Variants in RUNDC3B observed in about 807,000 individuals in gnomAD.
The protein encoded by RUNDC3B is RUN domain-containing protein 3B.
A neutral mutation model predicts 58.4 loss-of-function variants in RUNDC3B; 33 were observed. The observed-to-expected ratio is 0.56, with a 90% confidence interval of 0.43 to 0.75. RUNDC3B has a LOEUF of 0.75. RUNDC3B is among the 30% of genes least tolerant of loss of function. The probability of loss-of-function intolerance (pLI) is 0.00; values close to 1 mark genes in which losing one functional copy is unlikely to be tolerated. For missense variants in RUNDC3B, 501 were observed against 535.7 expected, an observed-to-expected ratio of 0.94 and a Z score of 0.64; for synonymous variants, 193 against 195.2, an observed-to-expected ratio of 0.99 and a Z score of 0.10.
intron 10 of RUNDC3B, among the ~76,000 whole-genome samples, chr7:87,822,436 G>T (rs1837521981): frequency 2.6e-5 from 4 of 152,124 alleles, no homozygotes; most frequent in Admixed American, 2.6e-4. Context: ...TTACACTGTT[G>T]GTGGAACTGT....
chr7:87,824,906 TAAGCA>T (rs1327841276), intron 10 of RUNDC3B, among the ~76,000 whole-genome samples: 1 of 152,182 alleles, frequency 6.6e-6, no homozygotes, highest in Non-Finnish European at 1.5e-5. Flanking sequence ...AAGAAATTTC[TAAGCA>T]ACAAAGCATT....
chr7:87,702,954 C>A (rs1829226566), intron 3 of RUNDC3B, among the ~76,000 whole-genome samples: 1 of 152,124 alleles, frequency 6.6e-6, no homozygotes, highest in South Asian at 2.1e-4. Context: ...TCACTCAACT[C>A]AGGTATCAAA....
Position 87,807,419 on chromosome 7 carries a change from G to T in RUNDC3B, c.1003G>T (p.Ala335Ser). 6.2e-7 allele frequency: 1 copy of T among 1,613,686 alleles called. No homozygotes were observed. Among genetic ancestry groups the T allele is most frequent in the East Asian group, 2.2e-5 (1 of 44,862 alleles). ...TTTAAGATCGAGACAAGAGTTAACT[G>T]CCCATCTCACCAACCAGTGGCCTTC... ...NDLRSRQELT[A>S]HLTNQWPSPG... Residue 335 changes from alanine to serine, a missense_variant, in exon 9 of 11, where the codon GCC becomes TCC. By Grantham distance (99) the Ala-to-Ser change is moderately conservative. Coordinates refer to ENST00000394654, the MANE Select transcript of RUNDC3B (RefSeq NM_001134405.2).
At chr7:87,814,942 A>T (rs1836951944) in intron 9 of RUNDC3B, among the ~76,000 whole-genome samples, 1 of 152,146 alleles carries the variant, frequency 6.6e-6, no homozygotes, top group Non-Finnish European at 1.5e-5. Flanking sequence ...TCGTTATGAA[A>T]TCCTATAAAA....
At position 87,816,405 on chromosome 7, in the gene RUNDC3B, G is replaced by T. The variant is rs561563955; in HGVS notation, c.1225+143G>T. On this transcript the variant is annotated intron_variant, in intron 10 of 10. Coordinates refer to ENST00000394654, the MANE Select transcript of RUNDC3B (RefSeq NM_001134405.2). ...CAGCCATTATGATTAAAAATGGTCT[G>T]CCTTTGTGTCTTTCTCGTGTGTGTG... is the stretch of plus-strand genomic sequence containing the variant. 6 of 612,060 alleles carry T rather than the reference G, an allele frequency of 9.8e-6. No individual in the cohort carries two copies. In the South Asian group the frequency reaches 1.6e-4, roughly 17 times the overall value. 37.9% of individuals were successfully genotyped at this position (612,060 alleles called of 1,614,324 possible).
chr7:87,693,034 G>A (rs189366754), intron 2 of RUNDC3B, among the ~76,000 whole-genome samples: 115 of 152,248 alleles, frequency 7.6e-4, no homozygotes, highest in African/African-American at 2.7e-3. Flanking sequence ...TTTTATAAAG[G>A]ATCTAAGTGT....
intron 7 of RUNDC3B, among the ~76,000 whole-genome samples, chr7:87,775,124 C>CTAA (rs1834549834): frequency 6.6e-6 from 1 of 151,938 alleles, no homozygotes; most frequent in Non-Finnish European, 1.5e-5. Flanking sequence ...GGAGGTAGTC[C>CTAA]AGCAGTGGGC....
At chr7:87,708,389 A>T (rs1170375262) in intron 3 of RUNDC3B, among the ~76,000 whole-genome samples, 1 of 152,144 alleles carries the variant, frequency 6.6e-6, no homozygotes, top group Non-Finnish European at 1.5e-5. Context: ...TAAATTTGAA[A>T]ATTTAGAAGA....
At chr7:87,684,844 G>C (rs528896343) in intron 2 of RUNDC3B, among the ~76,000 whole-genome samples, 2 of 146,130 alleles carry the variant, frequency 1.4e-5, no homozygotes, top group East Asian at 4.1e-4. Flanking sequence ...CTAATGCAAA[G>C]ACAATTTCAT....
chr7:87,812,201 CT>C, intron 9 of RUNDC3B, among the ~76,000 whole-genome samples: 1 of 152,244 alleles, frequency 6.6e-6, no homozygotes, highest in East Asian at 1.9e-4. Flanking sequence ...GATATCCAAT[CT>C]CATGTATAGA....
At chr7:87,699,993 G>A (rs776076440) in intron 2 of RUNDC3B, among the ~76,000 whole-genome samples, 6 of 152,062 alleles carry the variant, frequency 3.9e-5, no homozygotes, top group Non-Finnish European at 8.8e-5. Flanking sequence ...AAGAATTATG[G>A]TGGTGGGGTT....
At chr7:87,823,480 T>A (rs1467726179) in intron 10 of RUNDC3B, among the ~76,000 whole-genome samples, 1 of 152,030 alleles carries the variant, frequency 6.6e-6, no homozygotes, top group Non-Finnish European at 1.5e-5. Flanking sequence ...ATGAGTAAGT[T>A]CTTTAGTGGT....
intron 2 of RUNDC3B, among the ~76,000 whole-genome samples, chr7:87,675,959 G>A (rs1394007011): frequency 1.3e-5 from 2 of 152,180 alleles, no homozygotes; most frequent in South Asian, 2.1e-4. Context: ...GCTCATACCT[G>A]TAATCCCAGT....
intron 7 of RUNDC3B, 95 bp from the exon 8 acceptor site, chr7:87,777,703 T>C: frequency 3.3e-6 from 3 of 922,380 alleles, no homozygotes; most frequent in Non-Finnish European, 3.3e-6. Flanking sequence ...CATTACAATA[T>C]AAATAGGAAT....
chr7:87,646,430 C>T (rs1168389930), intron 1 of RUNDC3B, among the ~76,000 whole-genome samples: 2 of 152,028 alleles, frequency 1.3e-5, no homozygotes, highest in East Asian at 3.8e-4. Flanking sequence ...ATGAATTAAG[C>T]ACTTTGTTAA....
chr7:87,786,479 G>C (rs138298405), intron 8 of RUNDC3B, among the ~76,000 whole-genome samples: 1 of 151,670 alleles, frequency 6.6e-6, no homozygotes, highest in Non-Finnish European at 1.5e-5. Context: ...GTAGGGAAGA[G>C]ATTAACACCT....
At chr7:87,757,390 C>G (rs1425342202) in intron 6 of RUNDC3B, among the ~76,000 whole-genome samples, 1 of 152,002 alleles carries the variant, frequency 6.6e-6, no homozygotes, top group Admixed American at 6.6e-5. Flanking sequence ...TATATGCCAA[C>G]AGTGAACAAT....
chr7:87,747,553 A>C (rs1371496617), intron 6 of RUNDC3B, among the ~76,000 whole-genome samples: 1 of 152,058 alleles, frequency 6.6e-6, no homozygotes, highest in Admixed American at 6.5e-5. Context: ...TCCCAAGATT[A>C]TATGCCCTTT....
At position 87,788,663 on chromosome 7, in the gene RUNDC3B, A is replaced by G. The variant is rs182077562; in HGVS notation, c.956+10708A>G. Among the ~76,000 whole-genome samples the G allele has an allele frequency of 5.3e-5, 8 of 151,738 alleles. No individual in the cohort carries two copies. In the East Asian group the frequency reaches 1.4e-3, roughly 26 times the overall value. On this transcript the variant is annotated intron_variant, in intron 8 of 10. Transcript: ENST00000394654. The stretch of plus-strand genomic sequence containing the variant: ...TGGATCAGTATATGGAAAGTTTGTT[A>G]AAAGATTAAAAAATGTATTTGTTTA...
Sources: gnomAD v4.1 joint callset for allele counts (sites outside exome capture counted in the v4.1 genomes callset) on GRCh38, gnomAD v4.1.1 for gene constraint, MANE v1.5 for transcripts, NCBI Gene and HGNC (gene_info 2026-07-23, HGNC 2026-07-21) for gene names.